The following SBF2 variants were observed in gnomAD, a reference collection of about 807,000 sequenced individuals.
The protein encoded by SBF2 is myotubularin-related protein 13.
In SBF2, 112 loss-of-function variants were observed where a neutral mutation model predicts 225.2. The observed-to-expected ratio is 0.50, with a 90% CI of 0.43 to 0.58. The LOEUF (loss-of-function observed/expected upper bound fraction) is 0.58, where lower values mean the gene tolerates loss of function less well. SBF2 is among the 20% of genes least tolerant of loss of function. The pLI is 0.00. For synonymous variants in SBF2, 763 were observed against 773.3 expected (o/e 0.99, Z 0.22); for missense variants, 1,996 against 2,206.2 (o/e 0.90, Z 1.91).
intron 2 of SBF2, among the ~76,000 whole-genome samples, chr11:10,089,560 G>A (rs1419234274): frequency 4.0e-5 from 6 of 151,728 alleles, no homozygotes; most frequent in South Asian, 2.1e-4. Context: ...TTACATCCAC[G>A]GATACCCAGA....
intron 2 of SBF2, among the ~76,000 whole-genome samples, chr11:10,127,930 T>C (rs1237398884): frequency 6.6e-6 from 1 of 152,222 alleles, no homozygotes; most frequent in Non-Finnish European, 1.5e-5. Flanking sequence ...TCTGAGTCTC[T>C]TCTTTCTCAC....
At chr11:10,210,561 ATAGTAT>A (rs1419752996) in intron 1 of SBF2, among the ~76,000 whole-genome samples, 2 of 152,148 alleles carry the variant, frequency 1.3e-5, no homozygotes, top group African/African-American at 4.8e-5. Context: ...GGAGAAAAAA[ATAGTAT>A]TAGGAGACAA....
rs529497800 is a variant in SBF2 at position 9,963,993 on chromosome 11, G to A, written c.1601-111C>T. The stretch of plus-strand genomic sequence containing the variant: ...AGGTTGGGCGTGGAGGCTCACACCC[G>A]TAATCCCAGCAATTTGGGAGGCTGA... On this transcript the variant is annotated intron_variant, in intron 14 of 39. Transcript: ENST00000256190. The A allele has an allele frequency of 3.7e-4, 250 of 678,444 alleles. 2 individuals carry two copies. Among genetic ancestry groups the A allele is most frequent in the South Asian group, 3.5e-3 (215 of 60,572 alleles). 42.0% of individuals were successfully genotyped at this position (678,444 alleles called of 1,614,324 possible). A position where few individuals can be genotyped will look rare whatever the true frequency, so the allele number is the denominator to read the frequency against.
chr11:9,994,403 A>C (rs890437890), intron 9 of SBF2, among the ~76,000 whole-genome samples: 1 of 151,152 alleles, frequency 6.6e-6, no homozygotes, highest in Non-Finnish European at 1.5e-5. Flanking sequence ...TGAACCCGGG[A>C]GGCGGAGCTT....
chr11:9,916,069 A>C (rs1260585494), intron 16 of SBF2, among the ~76,000 whole-genome samples: 2 of 152,154 alleles, frequency 1.3e-5, no homozygotes, highest in East Asian at 3.8e-4. Flanking sequence ...GTCTCCAAAA[A>C]CAGACAAACA....
At chr11:10,123,863 C>T (rs1953603144) in intron 2 of SBF2, among the ~76,000 whole-genome samples, 1 of 152,164 alleles carries the variant, frequency 6.6e-6, no homozygotes, top group South Asian at 2.1e-4. Context: ...CTACACTTCT[C>T]AAACATGGTG....
At chr11:9,854,642 C>T (rs576277305) in intron 19 of SBF2, among the ~76,000 whole-genome samples, 105 of 152,204 alleles carry the variant, frequency 6.9e-4, no homozygotes, top group Middle Eastern at 3.4e-3. Context: ...GAGAGTGCAG[C>T]GATGCTAGCT....
intron 13 of SBF2, among the ~76,000 whole-genome samples, chr11:9,983,981 A>C (rs1453872251): frequency 6.6e-6 from 1 of 152,224 alleles, no homozygotes; most frequent in Non-Finnish European, 1.5e-5. Context: ...ATAAGAAGGA[A>C]CCAGAAAACC....
At chr11:10,154,511 T>C (rs1248402960) in intron 2 of SBF2, among the ~76,000 whole-genome samples, 1 of 152,134 alleles carries the variant, frequency 6.6e-6, no homozygotes, top group Non-Finnish European at 1.5e-5. Context: ...TAATTCCTAG[T>C]TTCTAGTTCT....
intron 1 of SBF2, among the ~76,000 whole-genome samples, chr11:10,271,107 C>G (rs1331052948): frequency 6.6e-6 from 1 of 151,542 alleles, no homozygotes; most frequent in Non-Finnish European, 1.5e-5. Flanking sequence ...CAGCAGTATG[C>G]CACTTCTTAC....
Position 9,802,512 on chromosome 11 carries a change from T to C in SBF2, c.4443+5488A>G, listed in dbSNP as rs1371703278. ...GGCATTCAATGTTAGAAATGGTTAA[T>C]AAGCAGGGAACACATTCCATCTGGG... On this transcript the variant is annotated intron_variant, in intron 32 of 39. Transcript: ENST00000256190. 2.6e-5 allele frequency among the ~76,000 whole-genome samples: 4 copies of C among 152,362 alleles called. No homozygotes were observed. The East Asian group carries it at 5.8e-4, about 22-fold the overall frequency.
chr11:9,869,785 C>G (rs1313897173), intron 17 of SBF2, among the ~76,000 whole-genome samples: 1 of 152,066 alleles, frequency 6.6e-6, no homozygotes, highest in Non-Finnish European at 1.5e-5. Flanking sequence ...CCTTTGAAAA[C>G]CGGAACAAGA....
At chr11:9,899,026 C>G (rs890760022) in intron 16 of SBF2, among the ~76,000 whole-genome samples, 5 of 150,452 alleles carry the variant, frequency 3.3e-5, no homozygotes, top group African/African-American at 1.2e-4. Context: ...GTGTTACATG[C>G]TTTAGAGGAA....
At position 10,206,045 on chromosome 11, in the gene SBF2, T is replaced by G. The variant is rs1310912857; in HGVS notation, c.56-12058A>C. Reference sequence around the variant, plus strand: ...CTCTTTGTCCTCATGAGTCAGAATCTCTCATGTACTCCCCAGTGACATCAG... The same window carrying G: ...CTCTTTGTCCTCATGAGTCAGAATCGCTCATGTACTCCCCAGTGACATCAG... On this transcript the variant is annotated intron_variant, in intron 1 of 39. Coordinates refer to ENST00000256190, the MANE Select transcript of SBF2 (RefSeq NM_030962.4). Among the ~76,000 whole-genome samples the G allele has an allele frequency of 2.6e-5, 4 of 151,628 alleles. No individual in the cohort carries two copies. The East Asian group carries it at 7.8e-4, about 30-fold the overall frequency.
At chr11:9,990,812 G>A (rs1293091778) in intron 12 of SBF2, among the ~76,000 whole-genome samples, 1 of 152,206 alleles carries the variant, frequency 6.6e-6, no homozygotes, top group African/African-American at 2.4e-5. Flanking sequence ...ACGCAGTCGA[G>A]TGGCTCTCAG....
chr11:10,145,176 A>G (rs1954829864), intron 2 of SBF2, among the ~76,000 whole-genome samples: 1 of 152,204 alleles, frequency 6.6e-6, no homozygotes, highest in Non-Finnish European at 1.5e-5. Flanking sequence ...GGCTGGAATC[A>G]TCTTAAGTCT....
intron 2 of SBF2, among the ~76,000 whole-genome samples, chr11:10,120,037 G>A (rs931534185): frequency 6.6e-6 from 1 of 152,108 alleles, no homozygotes; most frequent in Non-Finnish European, 1.5e-5. Flanking sequence ...CAGATCTCTA[G>A]AACTTTTTCA....
At chr11:9,809,606 G>A (rs1236267669) in intron 30 of SBF2, among the ~76,000 whole-genome samples, 1 of 147,460 alleles carries the variant, frequency 6.8e-6, no homozygotes, top group African/African-American at 2.5e-5. Context: ...GTGCAGTGAT[G>A]CAATCCTGGC....
chr11:10,135,837 T>C (rs1467790600), intron 2 of SBF2, among the ~76,000 whole-genome samples: 2 of 152,186 alleles, frequency 1.3e-5, no homozygotes, highest in Non-Finnish European at 2.9e-5. Context: ...CCTTCCAAAC[T>C]GTTCCAACCT....
Sources: gnomAD v4.1 joint callset for allele counts (sites outside exome capture counted in the v4.1 genomes callset) on GRCh38, gnomAD v4.1.1 for gene constraint, MANE v1.5 for transcripts, NCBI Gene and HGNC (gene_info 2026-07-23, HGNC 2026-07-21) for gene names.